STIM1: variants seen among roughly 807,000 people sequenced by gnomAD.
STIM1 encodes stromal interaction molecule 1.
Under a neutral mutation model 74.7 loss-of-function variants are expected in STIM1, and 25 were observed. The observed-to-expected ratio is 0.33, with a 90% CI of 0.24 to 0.47. The LOEUF is 0.47. Among genes scored for constraint, STIM1 ranks in the 20% least tolerant of loss-of-function variants. STIM1 has a pLI of 1.00. For missense variants in STIM1, 728 were observed against 920.8 expected (o/e 0.79, Z 2.71); for synonymous variants, 328 against 348.8 (o/e 0.94, Z 0.66).
intron 1 of STIM1, among the ~76,000 whole-genome samples, chr11:3,886,828 C>G (rs1304569921): frequency 6.6e-6 from 1 of 151,734 alleles, no homozygotes; most frequent in African/African-American, 2.4e-5. Context: ...ATGGTGAAAC[C>G]CCGTCTTTAC....
At chr11:3,887,385 A>T (rs1317761883) in intron 1 of STIM1, among the ~76,000 whole-genome samples, 1 of 152,186 alleles carries the variant, frequency 6.6e-6, no homozygotes, top group Non-Finnish European at 1.5e-5. Flanking sequence ...TGGGCCATAC[A>T]TCTAGAAGTG....
chr11:4,088,515 G>T (rs918680401), intron 12 of STIM1: 1 of 574,286 alleles, frequency 1.7e-6, no homozygotes, highest in Non-Finnish European at 3.2e-6. Context: ...TCATCCAAAA[G>T]CCTAGGAAGG....
intron 1 of STIM1, among the ~76,000 whole-genome samples, chr11:3,857,059 T>C (rs977502169): frequency 6.6e-6 from 1 of 151,804 alleles, no homozygotes; most frequent in Non-Finnish European, 1.5e-5. Context: ...TTATTCTGTT[T>C]CTTCTGACTG....
intron 2 of STIM1, among the ~76,000 whole-genome samples, chr11:3,986,004 T>G (rs2093554766): frequency 6.6e-6 from 1 of 152,228 alleles, no homozygotes; most frequent in African/African-American, 2.4e-5. Flanking sequence ...AAATCTTTCT[T>G]ACTTTTTGAT....
At chr11:4,042,824 A>G (rs1268337620) in intron 3 of STIM1, among the ~76,000 whole-genome samples, 1 of 152,214 alleles carries the variant, frequency 6.6e-6, no homozygotes, top group Admixed American at 6.5e-5. Context: ...GAAGGTACAT[A>G]TGAAGAAAAA....
At chr11:3,973,808 G>C (rs778650574) in intron 2 of STIM1, 97 of 350,010 alleles carry the variant, frequency 2.8e-4, no homozygotes, top group Non-Finnish European at 4.4e-4. Context: ...TTACCTCCCA[G>C]GCTCAAACGA....
chr11:4,069,987 T>A (rs776723581), intron 5 of STIM1, 39 bp from the exon 6 acceptor site: 1 of 1,609,862 alleles, frequency 6.2e-7, no homozygotes, highest in African/African-American at 1.3e-5. Context: ...AAGTGTGCAG[T>A]GGGCACCCTA....
chr11:4,019,790 G>A (rs1276811292), intron 2 of STIM1, among the ~76,000 whole-genome samples: 1 of 152,086 alleles, frequency 6.6e-6, no homozygotes, highest in Admixed American at 6.6e-5. Flanking sequence ...TCATTTCTTT[G>A]TGGTGAACAT....
intron 2 of STIM1, among the ~76,000 whole-genome samples, chr11:3,970,860 TTTACA>T (rs1246839552): frequency 1.3e-5 from 2 of 152,226 alleles, no homozygotes; most frequent in East Asian, 3.8e-4. Context: ...CATCTTTACT[TTTACA>T]TTTGTTTTTA....
At chr11:3,957,764 C>T (rs965622529) in intron 1 of STIM1, among the ~76,000 whole-genome samples, 14 of 152,062 alleles carry the variant, frequency 9.2e-5, no homozygotes, top group African/African-American at 3.4e-4. Context: ...TGAGATCTCA[C>T]TGTGTGGACC....
chr11:4,007,014 T>G (rs1365582435), intron 2 of STIM1, among the ~76,000 whole-genome samples: 1 of 152,194 alleles, frequency 6.6e-6, no homozygotes, highest in Non-Finnish European at 1.5e-5. Context: ...GGGCCTATTT[T>G]GTAGAAATTA....
chr11:3,989,109 T>C, intron 2 of STIM1: 1 of 1,430,358 alleles, frequency 7.0e-7, no homozygotes, highest in Non-Finnish European at 9.6e-7. Context: ...TCCTCTGGAT[T>C]GTACAAGAAG....
chr11:4,074,465 GCCTGGC>G, intron 6 of STIM1, 31 bp from the exon 7 acceptor site: 3 of 1,611,856 alleles, frequency 1.9e-6, no homozygotes, highest in Non-Finnish European at 2.5e-6. Flanking sequence ...GCACCCCCTT[GCCTGGC>G]CTCCTCCAGC....
chr11:3,857,198 T>G (rs1030033828), intron 1 of STIM1, among the ~76,000 whole-genome samples: 8 of 147,924 alleles, frequency 5.4e-5, no homozygotes, highest in African/African-American at 1.7e-4. Flanking sequence ...TGTGAAGGCT[T>G]ATCAGGCAGC....
intron 1 of STIM1, among the ~76,000 whole-genome samples, chr11:3,945,980 G>T (rs900729646): frequency 5.9e-5 from 9 of 152,138 alleles, no homozygotes; most frequent in Non-Finnish European, 7.3e-5. Context: ...ACCAGATCTT[G>T]TGAGAACTAT....
intron 1 of STIM1, among the ~76,000 whole-genome samples, chr11:3,960,979 T>G (rs1239088013): frequency 2.0e-5 from 3 of 152,120 alleles, no homozygotes; most frequent in Non-Finnish European, 2.9e-5. Flanking sequence ...AGTAGCAGCC[T>G]GGCTGTCATC....
At chr11:3,958,565 A>ACTC (rs1432392931) in intron 1 of STIM1, among the ~76,000 whole-genome samples, 1 of 151,896 alleles carries the variant, frequency 6.6e-6, no homozygotes. Context: ...TAGGGGTATG[A>ACTC]CTCCTCTTTC....
intron 2 of STIM1, among the ~76,000 whole-genome samples, chr11:3,993,394 A>T (rs181638369): frequency 6.6e-6 from 1 of 152,186 alleles, no homozygotes; most frequent in Non-Finnish European, 1.5e-5. Flanking sequence ...TGATGGCTCA[A>T]GCCTGTAATC....
chr11:4,015,384 T>C (rs2135978355), intron 2 of STIM1, among the ~76,000 whole-genome samples: 1 of 152,360 alleles, frequency 6.6e-6, no homozygotes, highest in South Asian at 2.1e-4. Context: ...CACTCTCTTC[T>C]GGCTTGTAGG....
Sources: gnomAD v4.1 joint callset for allele counts (sites outside exome capture counted in the v4.1 genomes callset) on GRCh38, gnomAD v4.1.1 for gene constraint, MANE v1.5 for transcripts, NCBI Gene and HGNC (gene_info 2026-07-23, HGNC 2026-07-21) for gene names.